The following HSP90AA1 variants were observed in gnomAD, a reference collection of about 807,000 sequenced individuals.
The protein encoded by HSP90AA1 is heat shock protein 90 alpha family class A member 1, also known as heat shock protein HSP 90-alpha.
Under a neutral mutation model 73.3 loss-of-function variants are expected in HSP90AA1, and 18 were observed. That is an observed-to-expected ratio of 0.25 (90% CI 0.17 to 0.36). The LOEUF is 0.36. HSP90AA1 is among the 10% of genes least tolerant of loss of function. The probability of loss-of-function intolerance (pLI) is 1.00; values close to 1 mark genes in which losing one functional copy is unlikely to be tolerated. For synonymous variants in HSP90AA1, 477 were observed against 296.9 expected (o/e 1.61, Z -6.24); for missense variants, 704 against 874.2 (o/e 0.81, Z 2.45).
At chr14:102,101,846 A>G in intron 2 of HSP90AA1, 1 of 1,564,594 alleles carries the variant, frequency 6.4e-7, no homozygotes, top group Non-Finnish European at 8.8e-7. Flanking sequence ...AATGTTTAGG[A>G]TAGTAATTTT....
At chr14:102,139,501 G>A in exon 1 of HSP90AA1, 1 of 1,313,060 alleles carries the variant, frequency 7.6e-7, no homozygotes, top group Non-Finnish European at 1.0e-6. Flanking sequence ...GCGCCCCTCA[G>A]GGCAGGGCGG....
At chr14:102,109,946 T>C (rs2049617072) in intron 1 of HSP90AA1, among the ~76,000 whole-genome samples, 1 of 152,194 alleles carries the variant, frequency 6.6e-6, no homozygotes, top group African/African-American at 2.4e-5. Flanking sequence ...TATTTTATTT[T>C]TTTTTGAGAT....
chr14:102,098,149 TG>T (rs1175018054), intron 2 of HSP90AA1, among the ~76,000 whole-genome samples: 4 of 151,932 alleles, frequency 2.6e-5, no homozygotes, highest in African/African-American at 9.7e-5. Context: ...GCCTCGGGTT[TG>T]TTTTTCTTTT....
At chr14:102,110,955 T>G (rs1215520261) in intron 1 of HSP90AA1, among the ~76,000 whole-genome samples, 1 of 151,838 alleles carries the variant, frequency 6.6e-6, no homozygotes, top group Non-Finnish European at 1.5e-5. Context: ...TTACCTCAGG[T>G]GATCCACCTG....
At chr14:102,101,009 T>C (rs1404976008) in intron 2 of HSP90AA1, among the ~76,000 whole-genome samples, 4 of 152,168 alleles carry the variant, frequency 2.6e-5, no homozygotes, top group Admixed American at 6.6e-5. Context: ...CCCATTCTTG[T>C]TCAATAAATT....
chr14:102,105,591 A>AT (rs911163059), intron 1 of HSP90AA1, among the ~76,000 whole-genome samples: 14 of 152,194 alleles, frequency 9.2e-5, no homozygotes, highest in Non-Finnish European at 1.9e-4. Context: ...GCATGGAGCT[A>AT]TGCAGGAAGA....
At chr14:102,126,426 A>G (rs1026726942) in intron 1 of HSP90AA1, among the ~76,000 whole-genome samples, 6 of 152,220 alleles carry the variant, frequency 3.9e-5, no homozygotes, top group African/African-American at 1.4e-4. Flanking sequence ...GTGCTTAGCA[A>G]TATCTTAGGG....
At chr14:102,121,956 T>G (rs1291480150) in intron 1 of HSP90AA1, among the ~76,000 whole-genome samples, 2 of 152,206 alleles carry the variant, frequency 1.3e-5, no homozygotes, top group Non-Finnish European at 2.9e-5. Flanking sequence ...TCTTGTGCCA[T>G]GCAAGACATA....
chr14:102,094,913 G>A (rs2049405044), intron 2 of HSP90AA1, among the ~76,000 whole-genome samples: 1 of 152,168 alleles, frequency 6.6e-6, no homozygotes, highest in African/African-American at 2.4e-5. Flanking sequence ...GTTGGTGGGT[G>A]TAGCAGGGGC....
chr14:102,139,530 C>G, exon 1 of HSP90AA1: 1 of 994,926 alleles, frequency 1.0e-6, no homozygotes, highest in Non-Finnish European at 1.4e-6. Context: ...TGAGGAGGCA[C>G]CCTCAAGTTC....
At chr14:102,112,880 A>G (rs1322498667) in intron 1 of HSP90AA1, among the ~76,000 whole-genome samples, 1 of 152,210 alleles carries the variant, frequency 6.6e-6, no homozygotes, top group Non-Finnish European at 1.5e-5. Flanking sequence ...TTTTACAAGA[A>G]TGCAGACCGT....
At chr14:102,088,966 G>A (rs1309467243), upstream of HSP90AA1, among the ~76,000 whole-genome samples, 1 of 151,290 alleles carries the variant, frequency 6.6e-6, no homozygotes, top group Non-Finnish European at 1.5e-5. Flanking sequence ...GAGGGCAATG[G>A]CACAATCTCT....
chr14:102,135,425 T>C (rs1445636389), intron 1 of HSP90AA1, among the ~76,000 whole-genome samples: 1 of 152,266 alleles, frequency 6.6e-6, no homozygotes, highest in Non-Finnish European at 1.5e-5. Flanking sequence ...AGGGTGCTGA[T>C]TGGTGTGAGC....
At chr14:102,123,977 T>A (rs1227109504) in intron 1 of HSP90AA1, among the ~76,000 whole-genome samples, 2 of 151,920 alleles carry the variant, frequency 1.3e-5, no homozygotes, top group Admixed American at 6.6e-5. Context: ...ATCTTTAAAT[T>A]TTCTGAAGAG....
chr14:102,085,633 T>C, intron 3 of HSP90AA1, 125 bp downstream of exon 3: 1 of 1,454,492 alleles, frequency 6.9e-7, no homozygotes, highest in South Asian at 1.2e-5. Flanking sequence ...TTAAGTGCTC[T>C]AGCTTGTTCC....
At chr14:102,100,309 G>GT (rs2049476225) in intron 2 of HSP90AA1, among the ~76,000 whole-genome samples, 1 of 152,166 alleles carries the variant, frequency 6.6e-6, no homozygotes, top group Non-Finnish European at 1.5e-5. Context: ...AGGAGCGTCA[G>GT]GCTCACAGTG....
chr14:102,122,594 A>C (rs918613849), intron 1 of HSP90AA1, among the ~76,000 whole-genome samples: 2 of 149,152 alleles, frequency 1.3e-5, no homozygotes, highest in African/African-American at 4.9e-5. Flanking sequence ...GAGGTTTTAT[A>C]ATACATATTA....
intron 4 of HSP90AA1, 88 bp downstream of exon 4, chr14:102,085,210 T>C: frequency 2.0e-6 from 3 of 1,479,154 alleles, no homozygotes; most frequent in Non-Finnish European, 2.8e-6. Context: ...TTCAGACTAG[T>C]TGAACAGATC....
Position 102,082,392 on chromosome 14 carries a change from G to A in HSP90AA1, c.1808C>T (p.Thr603Ile). The change falls in exon 10 of 11, where the codon ACA (threonine) becomes ATA (isoleucine). Residue 603 changes from threonine to isoleucine, a missense_variant. By Grantham distance (89) the Thr-to-Ile change is moderately conservative. Coordinates refer to ENST00000216281, the MANE Select transcript of HSP90AA1 (RefSeq NM_005348.4). ...CTCCATGTTTGCTGTCCAGCCATAT[G>A]TGCTTGTGACAATACAGCATGGAGA... ...VTSPCCIVTS[T>I]YGWTANMERI... is the part of the protein sequence containing the mutation. The A allele has an allele frequency of 6.2e-7, 1 of 1,613,870 alleles. No homozygotes were observed. Among genetic ancestry groups the A allele is most frequent in the Non-Finnish European group, 8.5e-7 (1 of 1,179,964 alleles).
Sources: gnomAD v4.1 joint callset for allele counts (sites outside exome capture counted in the v4.1 genomes callset) on GRCh38, gnomAD v4.1.1 for gene constraint, MANE v1.5 for transcripts, NCBI Gene and HGNC (gene_info 2026-07-23, HGNC 2026-07-21) for gene names.